CFI: variants seen among roughly 807,000 people sequenced by gnomAD.
CFI encodes complement factor I, also known as C3B/C4B inactivator.
Under a neutral mutation model 78.8 loss-of-function variants are expected in CFI, and 66 were observed. That is an observed-to-expected ratio of 0.84 (90% CI 0.69 to 1.03). The LOEUF (loss-of-function observed/expected upper bound fraction) is 1.03. Ranked by LOEUF, CFI falls within the 50% of genes least tolerant of loss-of-function variation. The pLI is 0.00. For missense variants in CFI, 706 were observed against 704.5 expected, an observed-to-expected ratio of 1.00 and a Z score of -0.02; for synonymous variants, 250 against 232.6, an observed-to-expected ratio of 1.07 and a Z score of -0.68.
chr4:109,750,831 G>C (rs1725048194), intron 8 of CFI, among the ~76,000 whole-genome samples: 1 of 152,130 alleles, frequency 6.6e-6, no homozygotes, highest in South Asian at 2.1e-4. Context: ...ACTTCATCTT[G>C]GATACTAATC....
intron 7 of CFI, among the ~76,000 whole-genome samples, chr4:109,752,936 A>ATTTATATAT (rs1491281459): frequency 4.5e-5 from 3 of 66,118 alleles, no homozygotes; most frequent in Non-Finnish European, 5.8e-5. Flanking sequence ...TTTATTATAT[A>ATTTATATAT]AATAAATATT....
chr4:109,769,242 T>A (rs1315157172), intron 1 of CFI, among the ~76,000 whole-genome samples: 1 of 152,218 alleles, frequency 6.6e-6, no homozygotes, highest in Non-Finnish European at 1.5e-5. Flanking sequence ...GCAAGTGTCA[T>A]AACTTTCTCA....
intron 1 of CFI, among the ~76,000 whole-genome samples, chr4:109,782,592 C>A (rs1252684934): frequency 6.6e-6 from 1 of 151,944 alleles, no homozygotes; most frequent in Non-Finnish European, 1.5e-5. Context: ...TGAAAATGCC[C>A]ATACCGCCAA....
chr4:109,786,280 C>T (rs1409480787), intron 1 of CFI, among the ~76,000 whole-genome samples: 1 of 152,252 alleles, frequency 6.6e-6, no homozygotes, highest in African/African-American at 2.4e-5. Context: ...ATCCACTCGC[C>T]TCAGCCTCCC....
Position 109,787,127 on chromosome 4 carries a change from C to A in CFI, c.57+14788G>T, listed in dbSNP as rs77643353. ...CTTGTATACCTAATAAAGTTGTATA[C>A]CACTGAGATTATGTAGTGCTTTTAT... is the stretch of plus-strand genomic sequence containing the variant. On this transcript the variant is annotated intron_variant, in intron 1 of 12. Transcript: ENST00000394634. Among the ~76,000 whole-genome samples, 21 of 152,160 alleles carry A rather than the reference C, an allele frequency of 1.4e-4. No homozygotes were observed. The East Asian group carries it at 4.1e-3, about 29-fold the overall frequency.
At chr4:109,784,893 GA>G (rs11325402) in intron 1 of CFI, among the ~76,000 whole-genome samples, 63,566 of 151,788 alleles carry the variant, frequency 0.42, 14,532 homozygotes, top group African/African-American at 0.57. Flanking sequence ...TGAAGCAACT[GA>G]AAGAACCACA....
At chr4:109,761,462 T>A (rs1205899832) in intron 4 of CFI, 55 bp downstream of exon 4, 15 of 1,505,656 alleles carry the variant, frequency 1.0e-5, no homozygotes, top group Middle Eastern at 1.7e-4. Context: ...ATAGGCTTGG[T>A]GTAAAATAAA....
At chr4:109,739,486 G>GT (rs145510237), downstream of CFI, among the ~76,000 whole-genome samples, 580 of 152,268 alleles carry the variant, frequency 3.8e-3, 7 homozygotes, top group African/African-American at 0.014. Flanking sequence ...TGAGATTAAA[G>GT]TAGGTGGTGT....
chr4:109,756,901 GAAAGAAAGAAAGAAAGA>G (rs1726272508), intron 7 of CFI, among the ~76,000 whole-genome samples: 3 of 36,456 alleles, frequency 8.2e-5, no homozygotes, highest in African/African-American at 2.9e-4. Flanking sequence ...AAGAAAGAAA[GAAAGAAAGAAAGAAAGA>G]AAGAAAGAAA....
intron 7 of CFI, among the ~76,000 whole-genome samples, chr4:109,755,823 A>C (rs1479826276): frequency 1.3e-5 from 2 of 152,216 alleles, no homozygotes; most frequent in East Asian, 1.9e-4. Flanking sequence ...ATCCTCCCAC[A>C]CATACTTAAG....
intron 1 of CFI, among the ~76,000 whole-genome samples, chr4:109,778,750 G>A (rs975557678): frequency 2.0e-5 from 3 of 152,142 alleles, no homozygotes; most frequent in South Asian, 2.1e-4. Context: ...CTGGCAAACC[G>A]AATCCAGCAG....
intron 1 of CFI, among the ~76,000 whole-genome samples, chr4:109,792,592 C>T (rs191389867): frequency 6.6e-6 from 1 of 152,110 alleles, no homozygotes; most frequent in Admixed American, 6.6e-5. Context: ...CCCACCCCCC[C>T]CAAAACAAGA....
At chr4:109,789,816 T>C (rs1248885362) in intron 1 of CFI, among the ~76,000 whole-genome samples, 5 of 152,096 alleles carry the variant, frequency 3.3e-5, no homozygotes, top group East Asian at 1.9e-4. Context: ...ATTATGGTAA[T>C]TTATTGGCCT....
intron 3 of CFI, 64 bp downstream of exon 3, chr4:109,764,473 T>A (rs1727472870): frequency 6.4e-7 from 1 of 1,553,672 alleles, no homozygotes; most frequent in Non-Finnish European, 8.9e-7. Context: ...AAAGGTTAGG[T>A]AATCAAAAAG....
At chr4:109,768,008 C>A (rs960604772) in intron 1 of CFI, among the ~76,000 whole-genome samples, 1 of 151,626 alleles carries the variant, frequency 6.6e-6, no homozygotes, top group Non-Finnish European at 1.5e-5. Flanking sequence ...TGGAAACCAT[C>A]ATTCTCAGCA....
intron 1 of CFI, among the ~76,000 whole-genome samples, chr4:109,769,113 T>C (rs1728240788): frequency 6.6e-6 from 1 of 152,216 alleles, no homozygotes; most frequent in South Asian, 2.1e-4. Context: ...CACCTTTATA[T>C]TGAAACAATG....
chr4:109,746,610 C>G, intron 10 of CFI, 108 bp from the exon 11 acceptor site: 1 of 965,154 alleles, frequency 1.0e-6, no homozygotes, highest in Non-Finnish European at 1.5e-6. Flanking sequence ...TTTCATTTCC[C>G]CAGAATTTTG....
chr4:109,764,126 C>G (rs1310269617), intron 3 of CFI, among the ~76,000 whole-genome samples: 1 of 150,426 alleles, frequency 6.6e-6, no homozygotes, highest in Non-Finnish European at 1.5e-5. Context: ...ATAGTTTATA[C>G]TATAACTGTA....
chr4:109,748,450 G>A (rs1232537954), intron 10 of CFI, among the ~76,000 whole-genome samples: 1 of 152,128 alleles, frequency 6.6e-6, no homozygotes, highest in Non-Finnish European at 1.5e-5. Context: ...AAAGTGAGAG[G>A]AATGAACAGT....
Sources: allele counts gnomAD v4.1 joint callset (sites outside exome capture counted in the v4.1 genomes callset), GRCh38; gene constraint gnomAD v4.1.1; transcripts MANE v1.5; gene names NCBI Gene and HGNC (gene_info 2026-07-23, HGNC 2026-07-21).